The following PPP2R5C variants were observed in gnomAD, a reference collection of about 807,000 sequenced individuals.
PPP2R5C encodes the protein protein phosphatase 2 regulatory subunit B'gamma.
PPP2R5C carries 7 observed loss-of-function variants against 68.9 expected under a neutral mutation model. The ratio of observed to expected loss-of-function variants is 0.10; its 90% confidence interval spans 0.06 to 0.19. The LOEUF (loss-of-function observed/expected upper bound fraction) is 0.19. PPP2R5C is among the 10% of genes least tolerant of loss of function. PPP2R5C has a pLI of 1.00. For missense variants in PPP2R5C, 348 were observed against 641.3 expected (o/e 0.54, Z 4.94); for synonymous variants, 210 against 222.2 (o/e 0.95, Z 0.49).
At chr14:101,903,890 G>T (rs181037393) in intron 9 of PPP2R5C, among the ~76,000 whole-genome samples, 15 of 151,914 alleles carry the variant, frequency 9.9e-5, no homozygotes, top group Admixed American at 9.2e-4. Flanking sequence ...TGGCCAGGCC[G>T]ATCTTCAACT....
intron 2 of PPP2R5C, among the ~76,000 whole-genome samples, chr14:101,763,574 G>A (rs1273609643): frequency 3.3e-5 from 5 of 152,040 alleles, no homozygotes; most frequent in Admixed American, 1.3e-4. Context: ...TTAGAGACGG[G>A]GTTTCACCAG....
At chr14:101,871,826 T>C in intron 2 of PPP2R5C, among the ~76,000 whole-genome samples, 1 of 152,154 alleles carries the variant, frequency 6.6e-6, no homozygotes, top group Non-Finnish European at 1.5e-5. Context: ...CTTTAACTTA[T>C]CACAATCTAC....
intron 6 of PPP2R5C, 36 bp from the exon 9 acceptor site, chr14:101,892,964 G>A (rs892766145): frequency 2.2e-5 from 31 of 1,424,418 alleles, no homozygotes; most frequent in Non-Finnish European, 2.6e-5. Flanking sequence ...CCTGGAATTC[G>A]TAAATGTTCA....
At chr14:101,772,989 C>A (rs371883196) in intron 2 of PPP2R5C, among the ~76,000 whole-genome samples, 6 of 152,208 alleles carry the variant, frequency 3.9e-5, no homozygotes, top group African/African-American at 1.4e-4. Context: ...CCTTCTGTCC[C>A]CTGGAGGGAT....
At chr14:101,836,480 A>G (rs1165358719) in intron 1 of PPP2R5C, 1 of 646,678 alleles carries the variant, frequency 1.5e-6, no homozygotes, top group Non-Finnish European at 2.8e-6. Flanking sequence ...TATTTTGGAA[A>G]CTTATGTCTC....
At chr14:101,842,489 G>A (rs1196672567) in intron 1 of PPP2R5C, among the ~76,000 whole-genome samples, 2 of 152,200 alleles carry the variant, frequency 1.3e-5, no homozygotes, top group Non-Finnish European at 2.9e-5. Flanking sequence ...GGCCCCAACC[G>A]GGGTGCTCTG....
At chr14:101,828,139 G>A (rs2040510472) in intron 1 of PPP2R5C, among the ~76,000 whole-genome samples, 1 of 152,066 alleles carries the variant, frequency 6.6e-6, no homozygotes, top group African/African-American at 2.4e-5. Flanking sequence ...AATGATTTAT[G>A]TAACCTCAAA....
At chr14:101,822,748 A>AT (rs961109057) in intron 1 of PPP2R5C, among the ~76,000 whole-genome samples, 21 of 152,138 alleles carry the variant, frequency 1.4e-4, no homozygotes, top group Non-Finnish European at 2.4e-4. Flanking sequence ...TGAATTCTGC[A>AT]TTTTTTTACT....
chr14:101,804,990 T>A (rs1262235542), upstream of PPP2R5C, among the ~76,000 whole-genome samples: 1 of 152,212 alleles, frequency 6.6e-6, no homozygotes, highest in Non-Finnish European at 1.5e-5. Flanking sequence ...CTTAAATATA[T>A]ATACCTACTA....
intron 1 of PPP2R5C, chr14:101,817,948 G>C (rs2039822696): frequency 6.6e-6 from 1 of 152,160 alleles, no homozygotes; most frequent in Non-Finnish European, 1.5e-5. Flanking sequence ...GCCATAATCT[G>C]TTTTCTTTTT....
intron 1 of PPP2R5C, chr14:101,819,099 G>A: frequency 1.3e-6 from 2 of 1,524,272 alleles, no homozygotes; most frequent in Non-Finnish European, 1.8e-6. Context: ...GGTGGTGAGG[G>A]TGTCTGTATA....
At chr14:101,876,761 A>G (rs1261103994) in intron 2 of PPP2R5C, among the ~76,000 whole-genome samples, 2 of 152,200 alleles carry the variant, frequency 1.3e-5, no homozygotes, top group Non-Finnish European at 2.9e-5. Flanking sequence ...AGACATACGT[A>G]TGCACTCACG....
intron 1 of PPP2R5C, chr14:101,820,854 T>C (rs764656924): frequency 4.6e-5 from 7 of 152,168 alleles, no homozygotes; most frequent in Non-Finnish European, 7.3e-5. Context: ...TATTGCTAAT[T>C]TAATGAATAA....
chr14:101,901,578 T>G, intron 8 of PPP2R5C, 141 bp from the exon 11 acceptor site: 1 of 766,230 alleles, frequency 1.3e-6, no homozygotes, highest in Non-Finnish European at 2.2e-6. Context: ...ACTGAGTCAC[T>G]GTTCCCTCTG....
At chr14:101,823,749 T>G in intron 1 of PPP2R5C, 1 of 1,079,754 alleles carries the variant, frequency 9.3e-7, no homozygotes, top group Non-Finnish European at 1.1e-6. Context: ...GACTCACGGT[T>G]CTGGGCTCAC....
intron 3 of PPP2R5C, among the ~76,000 whole-genome samples, chr14:101,790,889 G>A (rs1480997785): frequency 6.6e-6 from 1 of 152,140 alleles, no homozygotes; most frequent in Non-Finnish European, 1.5e-5. Flanking sequence ...GGCCATCCTG[G>A]CTAACACGGT....
chr14:101,778,686 C>T (rs1475582510), intron 2 of PPP2R5C, among the ~76,000 whole-genome samples: 2 of 152,176 alleles, frequency 1.3e-5, no homozygotes, highest in Non-Finnish European at 2.9e-5. Flanking sequence ...ATGGGCTTGG[C>T]TCTCAATTTT....
At chr14:101,858,654 T>C (rs1269429766) in intron 2 of PPP2R5C, among the ~76,000 whole-genome samples, 1 of 152,212 alleles carries the variant, frequency 6.6e-6, no homozygotes, top group Non-Finnish European at 1.5e-5. Context: ...TGCTTCCTTA[T>C]TATGTGTTCA....
intron 2 of PPP2R5C, among the ~76,000 whole-genome samples, chr14:101,862,081 T>C (rs1035234408): frequency 2.0e-5 from 3 of 152,062 alleles, no homozygotes; most frequent in African/African-American, 7.2e-5. Context: ...CCCAGCTGAT[T>C]TTTTAAATTT....
Sources: allele counts gnomAD v4.1 joint callset (sites outside exome capture counted in the v4.1 genomes callset), GRCh38; gene constraint gnomAD v4.1.1; transcripts MANE v1.5; gene names NCBI Gene and HGNC (gene_info 2026-07-23, HGNC 2026-07-21).